The following RPS6KA5 variants were observed in gnomAD, a reference collection of about 807,000 sequenced individuals.
RPS6KA5 encodes ribosomal protein S6 kinase A5, also known as ribosomal protein S6 kinase alpha-5.
In RPS6KA5, 27 loss-of-function variants were observed where a neutral mutation model predicts 85.5. The observed-to-expected ratio is 0.32, with a 90% CI of 0.23 to 0.44. The LOEUF is 0.44. RPS6KA5 is among the 20% of genes least tolerant of loss of function. The pLI is 1.00. For missense variants in RPS6KA5, 811 were observed against 980.9 expected, an observed-to-expected ratio of 0.83 and a Z score of 2.31; for synonymous variants, 334 against 348.2, an observed-to-expected ratio of 0.96 and a Z score of 0.46.
intron 1 of RPS6KA5, among the ~76,000 whole-genome samples, chr14:91,010,734 T>C (rs1013741272): frequency 4.6e-5 from 7 of 152,184 alleles, no homozygotes; most frequent in Non-Finnish European, 7.3e-5. Context: ...ATGAAACTTT[T>C]TTCCAACTTA....
intron 1 of RPS6KA5, among the ~76,000 whole-genome samples, chr14:91,035,847 C>CAAAAAAAAAAAA (rs199625173): frequency 3.6e-4 from 25 of 69,904 alleles, no homozygotes; most frequent in Non-Finnish European, 4.5e-4. Context: ...CCCTCACCTT[C>CAAAAAAAAAAAA]AAAAAAAAAA....
intron 2 of RPS6KA5, among the ~76,000 whole-genome samples, chr14:90,983,807 C>CTCTCTG (rs1566825930): frequency 1.6e-4 from 20 of 126,378 alleles, no homozygotes; most frequent in East Asian, 1.6e-3. Flanking sequence ...CTCTCTCTCT[C>CTCTCTG]TCTCTCTCTG....
intron 7 of RPS6KA5, among the ~76,000 whole-genome samples, chr14:90,916,500 T>TG (rs1244787497): frequency 1.3e-5 from 2 of 152,066 alleles, no homozygotes; most frequent in Admixed American, 6.6e-5. Context: ...AATTAATGAA[T>TG]GGAAAAATTC....
chr14:91,046,758 ATTGT>A (rs2042892077), intron 1 of RPS6KA5, among the ~76,000 whole-genome samples: 1 of 152,164 alleles, frequency 6.6e-6, no homozygotes, highest in African/African-American at 2.4e-5. Context: ...CCCCCATTTT[ATTGT>A]TTATCATTAC....
At chr14:91,038,983 T>C (rs1364274119) in intron 1 of RPS6KA5, among the ~76,000 whole-genome samples, 1 of 152,162 alleles carries the variant, frequency 6.6e-6, no homozygotes, top group East Asian at 1.9e-4. Flanking sequence ...CTTTTCACAG[T>C]GTACCCTGCA....
intron 2 of RPS6KA5, among the ~76,000 whole-genome samples, chr14:91,000,378 T>C (rs1042382318): frequency 6.6e-6 from 1 of 152,226 alleles, no homozygotes; most frequent in African/African-American, 2.4e-5. Context: ...TTTTCATTAT[T>C]ACAAATTACG....
intron 13 of RPS6KA5, among the ~76,000 whole-genome samples, chr14:90,893,094 CAT>C (rs907914767): frequency 6.6e-6 from 1 of 152,112 alleles, no homozygotes; most frequent in African/African-American, 2.4e-5. Context: ...AAGAATAAAA[CAT>C]GTGAAAATGA....
intron 16 of RPS6KA5, among the ~76,000 whole-genome samples, chr14:90,873,256 G>T (rs1289122159): frequency 6.6e-6 from 1 of 152,158 alleles, no homozygotes; most frequent in African/African-American, 2.4e-5. Flanking sequence ...CCAGTTTTAA[G>T]AATGTGTGAT....
chr14:91,048,076 G>A (rs1040798525), intron 1 of RPS6KA5, among the ~76,000 whole-genome samples: 2 of 152,078 alleles, frequency 1.3e-5, no homozygotes, highest in African/African-American at 4.8e-5. Context: ...ACATGTTTGC[G>A]GGTTCCAGGG....
At chr14:90,951,135 A>AAGAG (rs1280228009) in intron 3 of RPS6KA5, among the ~76,000 whole-genome samples, 73 of 146,532 alleles carry the variant, frequency 5.0e-4, no homozygotes, top group African/African-American at 1.8e-3. Context: ...AAAAAAAAAA[A>AAGAG]AGAGAGAGAG....
chr14:90,982,356 G>A (rs773909463), intron 2 of RPS6KA5, among the ~76,000 whole-genome samples: 4 of 152,118 alleles, frequency 2.6e-5, no homozygotes, highest in Non-Finnish European at 4.4e-5. Flanking sequence ...CAATACTTTG[G>A]GGGTCTGAGA....
chr14:90,903,103 AT>A, intron 8 of RPS6KA5, 134 bp from the exon 9 acceptor site: 1 of 754,830 alleles, frequency 1.3e-6, no homozygotes, highest in Non-Finnish European at 2.1e-6. Context: ...CAAATCAATA[AT>A]AAAAAACATA....
chr14:90,888,164 G>A (rs28571614), intron 14 of RPS6KA5, among the ~76,000 whole-genome samples: 2 of 151,846 alleles, frequency 1.3e-5, no homozygotes, highest in South Asian at 2.1e-4. Flanking sequence ...CATTTAACCT[G>A]TTTTTTTGTC....
At chr14:90,885,642 T>C (rs1042096007) in intron 14 of RPS6KA5, among the ~76,000 whole-genome samples, 5 of 131,106 alleles carry the variant, frequency 3.8e-5, no homozygotes, top group African/African-American at 1.5e-4. Context: ...CTCGGGAGAC[T>C]GAGGCAGGAG....
rs2033139761 is a variant in RPS6KA5, at chr14:90,871,988, A to T, written c.*86T>A. 1 of 1,498,538 alleles carries T rather than the reference A, an allele frequency of 6.7e-7. No individual in the cohort carries two copies. The allele number at this position is 1,498,538 out of a possible 1,614,324, so 92.8% of individuals were successfully genotyped here. On this transcript the variant is annotated 3_prime_UTR_variant, in exon 17 of 17. Coordinates refer to ENST00000614987, the MANE Select transcript of RPS6KA5 (RefSeq NM_004755.4). ...GCAGATTCCAATGAGACCAACGGGA[A>T]ACATTTTTAAAAGCATAAAAGATCG...
intron 7 of RPS6KA5, among the ~76,000 whole-genome samples, chr14:90,907,722 C>T (rs2035589782): frequency 1.3e-5 from 2 of 152,118 alleles, no homozygotes; most frequent in Non-Finnish European, 2.9e-5. Context: ...AAGAAATAAG[C>T]AACACCCTCT....
intron 1 of RPS6KA5, among the ~76,000 whole-genome samples, chr14:91,010,843 G>A (rs1040236684): frequency 3.1e-4 from 47 of 152,248 alleles, no homozygotes; most frequent in African/African-American, 1.1e-3. Context: ...GGTTCTTCAC[G>A]CAGTGATAAA....
chr14:90,932,759 G>A (rs966347733), intron 5 of RPS6KA5, among the ~76,000 whole-genome samples: 10 of 152,160 alleles, frequency 6.6e-5, no homozygotes, highest in Middle Eastern at 3.2e-3. Flanking sequence ...TCACTTGTGC[G>A]TTTGACATTA....
At chr14:90,963,894 T>C (rs1595352761) in intron 3 of RPS6KA5, among the ~76,000 whole-genome samples, 1 of 152,106 alleles carries the variant, frequency 6.6e-6, no homozygotes, top group African/African-American at 2.4e-5. Context: ...GGTGCACAGG[T>C]ATCAGAGCAC....
Sources: gnomAD v4.1 joint callset for allele counts (sites outside exome capture counted in the v4.1 genomes callset) on GRCh38, gnomAD v4.1.1 for gene constraint, MANE v1.5 for transcripts, NCBI Gene and HGNC (gene_info 2026-07-23, HGNC 2026-07-21) for gene names.